Variants in PVT1 observed in about 807,000 individuals in gnomAD.
The protein encoded by PVT1 is Pvt1 oncogene.
chr8:128,041,532 A>C (rs1813543753), intron 4 of PVT1, among the ~76,000 whole-genome samples: 1 of 133,306 alleles, frequency 7.5e-6, no homozygotes, highest in South Asian at 2.5e-4. Context: ...TGTGTTGTGT[A>C]CGTGTGTGTG....
chr8:128,057,945 C>T (rs1002345994), intron 4 of PVT1, among the ~76,000 whole-genome samples: 2 of 152,260 alleles, frequency 1.3e-5, no homozygotes, highest in African/African-American at 2.4e-5. Flanking sequence ...GAAGGTCTTC[C>T]GTCAAATTGA....
intron 5 of PVT1, among the ~76,000 whole-genome samples, chr8:128,088,799 A>G (rs183358190): frequency 1.3e-5 from 2 of 152,310 alleles, no homozygotes; most frequent in Non-Finnish European, 2.9e-5. Context: ...ACTTATTGCC[A>G]TGATTACCAG....
chr8:127,800,196 G>T (rs942833922), intron 2 of PVT1, among the ~76,000 whole-genome samples: 1 of 152,140 alleles, frequency 6.6e-6, no homozygotes, highest in Non-Finnish European at 1.5e-5. Flanking sequence ...ATTCTTCAGG[G>T]CTCTTTTTTT....
At chr8:127,969,482 T>C (rs1220460082) in intron 3 of PVT1, among the ~76,000 whole-genome samples, 2 of 152,204 alleles carry the variant, frequency 1.3e-5, no homozygotes, top group East Asian at 1.9e-4. Context: ...TCTGAAGTTC[T>C]ACAGCCCTCT....
intron 3 of PVT1, among the ~76,000 whole-genome samples, chr8:127,908,714 G>A (rs1193586482): frequency 6.6e-6 from 1 of 152,140 alleles, no homozygotes. Flanking sequence ...GAGATTAGAT[G>A]CAGTAGCACT....
intron 3 of PVT1, among the ~76,000 whole-genome samples, chr8:127,959,007 T>A (rs1475993997): frequency 7.7e-6 from 1 of 130,440 alleles, no homozygotes; most frequent in Non-Finnish European, 1.6e-5. Context: ...TGGGTCCTCA[T>A]GGTTTGCTGC....
At chr8:128,061,753 C>G (rs1365981403) in intron 4 of PVT1, among the ~76,000 whole-genome samples, 1 of 152,122 alleles carries the variant, frequency 6.6e-6, no homozygotes, top group Non-Finnish European at 1.5e-5. Context: ...CTATGAAGGG[C>G]CCAGGAACAC....
At chr8:127,964,995 T>C (rs11993815) in intron 3 of PVT1, among the ~76,000 whole-genome samples, 2,807 of 152,142 alleles carry the variant, frequency 0.018, 96 homozygotes, top group African/African-American at 0.063. Flanking sequence ...CAAAAGCCCT[T>C]TTCCCAAATA....
intron 4 of PVT1, chr8:128,048,529 T>C (rs1326335360): frequency 2.6e-5 from 4 of 152,208 alleles, no homozygotes; most frequent in East Asian, 1.9e-4. Context: ...TCAGTTAAGT[T>C]GGGCAGATCT....
intron 2 of PVT1, among the ~76,000 whole-genome samples, chr8:127,837,926 T>G (rs551848440): frequency 2.0e-5 from 3 of 151,894 alleles, no homozygotes; most frequent in Non-Finnish European, 4.4e-5. Context: ...AGGCGGAGTT[T>G]CACTCTTGTT....
intron 3 of PVT1, among the ~76,000 whole-genome samples, chr8:127,949,396 T>C (rs1816467820): frequency 6.6e-6 from 1 of 150,712 alleles, no homozygotes; most frequent in African/African-American, 2.4e-5. Context: ...TGTGTGTGTG[T>C]GTGTGTGTGT....
intron 3 of PVT1, among the ~76,000 whole-genome samples, chr8:127,921,213 C>A (rs1039149343): frequency 2.0e-5 from 3 of 151,962 alleles, no homozygotes; most frequent in African/African-American, 7.3e-5. Context: ...GTGTGCCGAG[C>A]GCTGAGTAGT....
Position 127,798,748 on chromosome 8 carries a change from C to T in PVT1, n.372+2677C>T, listed in dbSNP as rs956070328. On this transcript the variant is annotated intron_variant and non_coding_transcript_variant, in intron 2 of 10. Transcript: ENST00000651587. ...AAAATTAGCCCGGCGTGGTGGCACA[C>T]GCCTGTAGTCCTAGCTACTCGGGAG... is the stretch of plus-strand genomic sequence containing the variant. Among the ~76,000 whole-genome samples, 6 of 150,500 alleles carry T rather than the reference C, an allele frequency of 4.0e-5. No homozygotes were observed. In the South Asian group the frequency reaches 1.1e-3, roughly 27 times the overall value.
intron 2 of PVT1, among the ~76,000 whole-genome samples, chr8:127,849,697 G>C (rs1815082848): frequency 7.0e-6 from 1 of 143,482 alleles, no homozygotes; most frequent in African/African-American, 2.7e-5. Flanking sequence ...GTACATATGT[G>C]TGTGTGTGCC....
chr8:128,085,808 A>G (rs1448113624), intron 5 of PVT1, among the ~76,000 whole-genome samples: 1 of 152,232 alleles, frequency 6.6e-6, no homozygotes, highest in Non-Finnish European at 1.5e-5. Context: ...TGATTTAAAG[A>G]CTGATTAACA....
At chr8:127,928,278 CA>C (rs1323734155) in intron 3 of PVT1, among the ~76,000 whole-genome samples, 1 of 152,108 alleles carries the variant, frequency 6.6e-6, no homozygotes, top group African/African-American at 2.4e-5. Flanking sequence ...TTGATTTAAC[CA>C]GAATCCCCCT....
At chr8:128,100,099 C>T (rs1346812156) in intron 6 of PVT1, among the ~76,000 whole-genome samples, 2 of 148,162 alleles carry the variant, frequency 1.3e-5, no homozygotes, top group African/African-American at 2.5e-5. Context: ...TTCTCCTTCC[C>T]TCCCTCCCTC....
intron 4 of PVT1, among the ~76,000 whole-genome samples, chr8:128,056,977 G>A (rs559274832): frequency 2.1e-4 from 32 of 152,282 alleles, no homozygotes; most frequent in South Asian, 1.7e-3. Flanking sequence ...CACAGGGCCA[G>A]TTTCACATTT....
At chr8:128,044,139 G>A (rs138990716) in intron 4 of PVT1, among the ~76,000 whole-genome samples, 15 of 150,676 alleles carry the variant, frequency 1.0e-4, no homozygotes, top group African/African-American at 3.4e-4. Flanking sequence ...ATGAGTCACC[G>A]CACCTAGCCC....
Sources: gnomAD v4.1 joint callset for allele counts (sites outside exome capture counted in the v4.1 genomes callset) on GRCh38, gnomAD v4.1.1 for gene constraint, MANE v1.5 for transcripts, NCBI Gene and HGNC (gene_info 2026-07-23, HGNC 2026-07-21) for gene names.